Variants in PPEF1 observed in about 807,000 individuals in gnomAD.
The protein encoded by PPEF1 is protein phosphatase with EF-hand domain 1.
PPEF1 carries 12 observed loss-of-function variants against 53.3 expected under a neutral mutation model. That is an observed-to-expected ratio of 0.23 (90% CI 0.14 to 0.36). The LOEUF (loss-of-function observed/expected upper bound fraction) is 0.36, where lower values mean the gene tolerates loss of function less well. Ranked by LOEUF, PPEF1 falls within the 10% of genes least tolerant of loss-of-function variation. PPEF1 has a pLI of 1.00. For missense variants in PPEF1, 334 were observed against 490.4 expected (o/e 0.68, Z 3.01); for synonymous variants, 165 against 176.7 (o/e 0.93, Z 0.52).
chrX:18,687,252 C>T (rs1309380594), intron 3 of PPEF1, among the ~76,000 whole-genome samples: 4 of 111,350 alleles, frequency 3.6e-5, no homozygotes, highest in Non-Finnish European at 3.8e-5. Flanking sequence ...GTTGCCCGAA[C>T]ACTGCCACCT....
chrX:18,820,302 G>A (rs2047006027), intron 13 of PPEF1, among the ~76,000 whole-genome samples: 1 of 111,057 alleles, frequency 9.0e-6, no homozygotes, highest in Admixed American at 9.6e-5. Context: ...AAAAGTAGAA[G>A]TAGAAAAATC....
At chrX:18,789,533 G>A (rs750526092) in intron 10 of PPEF1, among the ~76,000 whole-genome samples, 29 of 112,125 alleles carry the variant, frequency 2.6e-4, no homozygotes, top group African/African-American at 9.1e-4. Flanking sequence ...ATTTTAGAAC[G>A]TTTTCATCAT....
chrX:18,817,452 C>A (rs913084664), intron 12 of PPEF1, among the ~76,000 whole-genome samples: 1 of 110,789 alleles, frequency 9.0e-6, no homozygotes, highest in Non-Finnish European at 1.9e-5. Flanking sequence ...AGCAATTCTC[C>A]TGCCTCAGCC....
chrX:18,772,406 A>G (rs1318636522), intron 6 of PPEF1, among the ~76,000 whole-genome samples: 4 of 111,262 alleles, frequency 3.6e-5, no homozygotes, highest in Non-Finnish European at 7.5e-5. Flanking sequence ...TATTAAATCA[A>G]GTTTATTGGT....
chrX:18,718,824 T>A (rs775843993), intron 1 of PPEF1, among the ~76,000 whole-genome samples: 2 of 112,266 alleles, frequency 1.8e-5, no homozygotes, highest in African/African-American at 6.5e-5. Context: ...TTATTTCCCA[T>A]ATTCAGAACG....
At chrX:18,680,511 C>T (rs1928842696), upstream of PPEF1, among the ~76,000 whole-genome samples, 1 of 104,011 alleles carries the variant, frequency 9.6e-6, no homozygotes, top group Admixed American at 1.1e-4. Context: ...TCACTGCAAC[C>T]TCCGCCTCCT....
intron 1 of PPEF1, among the ~76,000 whole-genome samples, chrX:18,708,378 C>T (rs1464535833): frequency 8.9e-6 from 1 of 111,968 alleles, no homozygotes; most frequent in Non-Finnish European, 1.9e-5. Context: ...TCTGTACCCC[C>T]ATATAATTAG....
At chrX:18,800,394 T>C (rs1157214263) in intron 10 of PPEF1, among the ~76,000 whole-genome samples, 5 of 111,282 alleles carry the variant, frequency 4.5e-5, no homozygotes, top group African/African-American at 1.6e-4. Flanking sequence ...TATGCATACA[T>C]TCATGTACAG....
intron 6 of PPEF1, among the ~76,000 whole-genome samples, chrX:18,766,238 G>T (rs866985597): frequency 1.8e-5 from 2 of 110,692 alleles, no homozygotes; most frequent in Non-Finnish European, 3.8e-5. Flanking sequence ...GAAATGAAAG[G>T]CTGGGACACA....
In PPEF1 at chrX:18,714,269, G is replaced by GTTTTT. The variant is rs752286222; in HGVS notation, c.46+6446_46+6450dup. On this transcript the variant is annotated intron_variant, in intron 1 of 15. Transcript: ENST00000470157. ...GTGGTACTTGGTAAGTTTGTTTTTC[G>GTTTTT]TTTTTTTGTTTTTTTTTTTTGAGAT... Among the ~76,000 whole-genome samples the GTTTTT allele has an allele frequency of 1.9e-4, 12 of 61,934 alleles. 3 individuals carry two copies. Among genetic ancestry groups the GTTTTT allele is most frequent in the Admixed American group, 1.9e-4 (1 of 5,356 alleles). The allele number at this position is 61,934 out of a possible 115,157, so 53.8% of individuals were successfully genotyped here.
chrX:18,717,820 A>G (rs1264483719), intron 1 of PPEF1, among the ~76,000 whole-genome samples: 1 of 111,297 alleles, frequency 9.0e-6, no homozygotes, highest in Admixed American at 9.6e-5. Context: ...TGTCACTCTA[A>G]CACTCTCCTT....
At chrX:18,821,191 C>A (rs1269198922) in intron 13 of PPEF1, among the ~76,000 whole-genome samples, 2 of 100,409 alleles carry the variant, frequency 2.0e-5, no homozygotes, top group African/African-American at 7.3e-5. Context: ...CCACTGCACT[C>A]CAGACTGGGA....
At position 18,745,167 on chromosome X, in the gene PPEF1, ATATAT is replaced by A. The variant is rs1398176743; in HGVS notation, c.236-4613_236-4609del. The stretch of plus-strand genomic sequence containing the variant: ...ATATATTATATATTATAATATAATT[ATATAT>A]TATATTATATTCCATATAATTATAT... On this transcript the variant is annotated intron_variant, in intron 3 of 15. Transcript: ENST00000470157. 1.6e-4 allele frequency among the ~76,000 whole-genome samples: 15 copies of A among 94,681 alleles called. 1 individual carries two copies. The highest frequency in any genetic ancestry group is 4.1e-4 in the Admixed American group (3 of 7,306). The allele number at this position is 94,681 out of a possible 115,157, so 82.2% of individuals were successfully genotyped here.
At chrX:18,772,506 G>T (rs1359253845) in intron 6 of PPEF1, among the ~76,000 whole-genome samples, 1 of 111,629 alleles carries the variant, frequency 9.0e-6, no homozygotes, top group Non-Finnish European at 1.9e-5. Context: ...TCAGGATGAT[G>T]CTGGCCTCAT....
intron 9 of PPEF1, among the ~76,000 whole-genome samples, chrX:18,788,558 T>C (rs2046266244): frequency 9.0e-6 from 1 of 110,944 alleles, no homozygotes; most frequent in African/African-American, 3.3e-5. Flanking sequence ...GTTGCCAAGA[T>C]TAGAGAACAT....
intron 10 of PPEF1, among the ~76,000 whole-genome samples, chrX:18,794,325 A>T (rs1422311822): frequency 8.9e-6 from 1 of 112,104 alleles, no homozygotes; most frequent in Admixed American, 9.4e-5. Context: ...AACAATCTCC[A>T]TTGTTTTCAA....
At chrX:18,718,150 C>T (rs150081589) in intron 1 of PPEF1, among the ~76,000 whole-genome samples, 323 of 112,135 alleles carry the variant, frequency 2.9e-3, no homozygotes, top group African/African-American at 9.8e-3. Context: ...TTATTCTTTA[C>T]ACCAATTAAA....
intron 10 of PPEF1, among the ~76,000 whole-genome samples, chrX:18,797,372 G>A (rs2046452792): frequency 9.0e-6 from 1 of 111,683 alleles, no homozygotes; most frequent in African/African-American, 3.3e-5. Flanking sequence ...TGAGATGTGG[G>A]GATATATTTA....
chrX:18,762,127 G>A (rs748515545), intron 6 of PPEF1, among the ~76,000 whole-genome samples: 1 of 111,735 alleles, frequency 8.9e-6, no homozygotes, highest in South Asian at 3.8e-4. Flanking sequence ...GCACAAGACT[G>A]CTTGGCCAGC....
Sources: allele counts gnomAD v4.1 joint callset (sites outside exome capture counted in the v4.1 genomes callset), GRCh38; gene constraint gnomAD v4.1.1; transcripts MANE v1.5; gene names NCBI Gene and HGNC (gene_info 2026-07-23, HGNC 2026-07-21).